FOCAD: variants seen among roughly 807,000 people sequenced by gnomAD.
The protein encoded by FOCAD is focadhesin.
A neutral mutation model predicts 225.6 loss-of-function variants in FOCAD; 198 were observed. That is an observed-to-expected ratio of 0.88 (90% CI 0.78 to 0.99). FOCAD has a LOEUF of 0.99. Ranked by LOEUF, FOCAD falls within the 50% of genes least tolerant of loss-of-function variation. The pLI is 0.00. For missense variants in FOCAD, 2,713 were observed against 2,123.6 expected (o/e 1.28, Z -5.46); for synonymous variants, 897 against 755.0 (o/e 1.19, Z -3.08).
chr9:20,866,917 T>TTTTTTAAC lies in FOCAD; in HGVS notation c.2107-12_2107-11insTTTTTAAC. ...TTTTTTTTTTTTTTTTTTTTTTTTT[T>TTTTTTAAC]ACCCTATCTAGGACCCAATTGTAGC... On this transcript the variant is annotated splice_polypyrimidine_tract_variant and intron_variant, in intron 17 of 43. Transcript: ENST00000338382. 2 of 764,970 alleles carry TTTTTTAAC rather than the reference T, an allele frequency of 2.6e-6. No individual in the cohort carries two copies. The highest frequency in any genetic ancestry group is 4.0e-6 in the Non-Finnish European group (2 of 498,466). 47.4% of individuals were successfully genotyped at this position (764,970 alleles called of 1,614,324 possible).
chr9:20,919,603 C>T (rs534996826), intron 24 of FOCAD, among the ~76,000 whole-genome samples: 5 of 152,132 alleles, frequency 3.3e-5, no homozygotes, highest in African/African-American at 1.2e-4. Context: ...GGAACTGGTA[C>T]CAAAACAGAG....
At chr9:20,917,362 T>A (rs1833959993) in intron 24 of FOCAD, among the ~76,000 whole-genome samples, 2 of 152,188 alleles carry the variant, frequency 1.3e-5, no homozygotes, top group African/African-American at 4.8e-5. Context: ...AAATTGAATT[T>A]TTAAATACTA....
intron 39 of FOCAD, among the ~76,000 whole-genome samples, chr9:20,983,376 A>G (rs1451387474): frequency 6.6e-6 from 1 of 152,044 alleles, no homozygotes; most frequent in Non-Finnish European, 1.5e-5. Flanking sequence ...GATCGAGACT[A>G]TTCTGGCCAA....
rs548718838 is a variant in FOCAD at position 20,790,289 on chromosome 9, G to A, written c.1455+681G>A. Reference sequence around the variant, plus strand: ...CTCCAATTGATAGAATCTCTAGAATGCATTTCCTATAAAGGAAAGGTTTTC... The same window carrying A: ...CTCCAATTGATAGAATCTCTAGAATACATTTCCTATAAAGGAAAGGTTTTC... On this transcript the variant is annotated intron_variant, in intron 11 of 43. Transcript: ENST00000338382. 2.6e-5 allele frequency among the ~76,000 whole-genome samples: 4 copies of A among 152,052 alleles called. No homozygotes were observed. The East Asian group carries it at 5.8e-4, about 22-fold the overall frequency.
At chr9:20,833,815 C>T (rs1356721146) in intron 15 of FOCAD, among the ~76,000 whole-genome samples, 3 of 152,014 alleles carry the variant, frequency 2.0e-5, no homozygotes, top group Admixed American at 6.6e-5. Context: ...GAAATGTGCA[C>T]ACCACTGGAA....
intron 17 of FOCAD, 134 bp downstream of exon 17, chr9:20,866,110 G>T: frequency 1.4e-6 from 1 of 727,906 alleles, no homozygotes; most frequent in Non-Finnish European, 2.2e-6. Flanking sequence ...AAAAAAGTGT[G>T]ATTATTCATA....
chr9:20,801,993 T>A (rs1311483080), intron 11 of FOCAD, among the ~76,000 whole-genome samples: 1 of 152,108 alleles, frequency 6.6e-6, no homozygotes, highest in Admixed American at 6.5e-5. Flanking sequence ...TCACGATAGT[T>A]GTTATAATAG....
At position 20,781,848 on chromosome 9, in the gene FOCAD, A is replaced by G. The variant is rs1046091995; in HGVS notation, c.1116A>G (p.Glu372=). Residue 372 remains glutamate (E), a synonymous_variant, in exon 10 of 44, where the codon GAA becomes GAG. Coordinates refer to ENST00000338382, the MANE Select transcript of FOCAD (RefSeq NM_001375567.1). The part of the protein sequence containing the change: ...TALEDCISVD[E]EGPSRQQLAL... ...TGGAAGACTGTATATCTGTGGATGA[A>G]GAAGGTCCCTCTAGGCAGCAGTTGG... is the stretch of plus-strand genomic sequence containing the variant. The G allele has an allele frequency of 7.4e-6, 12 of 1,614,048 alleles. No individual in the cohort carries two copies. The highest frequency in any genetic ancestry group is 5.0e-5 in the Admixed American group (3 of 60,010).
At chr9:20,730,289 C>T (rs759972381) in intron 4 of FOCAD, among the ~76,000 whole-genome samples, 6 of 151,968 alleles carry the variant, frequency 3.9e-5, no homozygotes, top group Non-Finnish European at 7.4e-5. Context: ...TGTTTTTTTT[C>T]TTCACTTATT....
intron 15 of FOCAD, among the ~76,000 whole-genome samples, chr9:20,857,680 CT>C (rs879261267): frequency 1.3e-5 from 2 of 150,850 alleles, no homozygotes; most frequent in Non-Finnish European, 3.0e-5. Context: ...AATGGAAAAA[CT>C]TTCAGTTTTC....
rs35194944 is a variant in FOCAD at position 20,735,843 on chromosome 9, T to TAA, written c.288-4383_288-4382dup. 1.9e-3 allele frequency among the ~76,000 whole-genome samples: 289 copies of TAA among 148,406 alleles called. 4 individuals carry two copies. In the East Asian group the frequency reaches 0.024, roughly 12 times the overall value. On this transcript the variant is annotated intron_variant, in intron 4 of 43. Transcript: ENST00000338382. ...CTGGCCTCTTCAATTGTTTTATCTT[T>TAA]AAAAAAAAAAATAACAGCTTATTGG...
intron 4 of FOCAD, among the ~76,000 whole-genome samples, chr9:20,727,963 T>G (rs1826346789): frequency 6.6e-6 from 1 of 152,188 alleles, no homozygotes; most frequent in Non-Finnish European, 1.5e-5. Context: ...TTGTAGTCTT[T>G]GAAAAAGAGA....
intron 27 of FOCAD, among the ~76,000 whole-genome samples, chr9:20,931,791 G>C (rs1002203689): frequency 6.6e-6 from 1 of 151,902 alleles, no homozygotes; most frequent in Admixed American, 6.6e-5. Flanking sequence ...CCAGCTACTC[G>C]GGAAGCTGAG....
intron 4 of FOCAD, among the ~76,000 whole-genome samples, chr9:20,727,044 A>T (rs1007203765): frequency 6.6e-6 from 1 of 151,422 alleles, no homozygotes; most frequent in Non-Finnish European, 1.5e-5. Context: ...ATTTATATTG[A>T]TATTATGGCT....
At chr9:20,772,762 G>A (rs1338649549) in intron 8 of FOCAD, among the ~76,000 whole-genome samples, 3 of 151,956 alleles carry the variant, frequency 2.0e-5, no homozygotes, top group African/African-American at 7.3e-5. Flanking sequence ...TGGAAGTTGG[G>A]AGCCCAGGAA....
At chr9:20,819,349 G>A (rs953561860) in intron 11 of FOCAD, among the ~76,000 whole-genome samples, 1 of 151,968 alleles carries the variant, frequency 6.6e-6, no homozygotes, top group African/African-American at 2.4e-5. Flanking sequence ...AAGTAGCTGG[G>A]GCTACAGGTG....
chr9:20,712,593 C>T lies in FOCAD; in HGVS notation c.-32-2729C>T, dbSNP rs565836761. 6.6e-5 allele frequency among the ~76,000 whole-genome samples: 10 copies of T among 151,584 alleles called. No individual in the cohort carries two copies. In the South Asian group the frequency reaches 1.2e-3, roughly 19 times the overall value. On this transcript the variant is annotated intron_variant, in intron 1 of 43. Transcript: ENST00000338382. ...AGGAGAATTGCTTGAACCTGGGAGGCGGAGGTTAGTGAGCTGAGATCGCAC... is the reference window on the plus strand; with the variant it reads ...AGGAGAATTGCTTGAACCTGGGAGGTGGAGGTTAGTGAGCTGAGATCGCAC...
chr9:20,905,847 TGTA>T (rs992827307), intron 21 of FOCAD, among the ~76,000 whole-genome samples: 1 of 152,052 alleles, frequency 6.6e-6, no homozygotes, highest in African/African-American at 2.4e-5. Context: ...CCCTGCTCGT[TGTA>T]GTACTTATTC....
intron 28 of FOCAD, among the ~76,000 whole-genome samples, chr9:20,934,223 A>T (rs1835743879): frequency 6.6e-6 from 1 of 152,238 alleles, no homozygotes; most frequent in Non-Finnish European, 1.5e-5. Flanking sequence ...ATTAAGTCCA[A>T]GCTATTTATC....
Sources: gnomAD v4.1 joint callset for allele counts (sites outside exome capture counted in the v4.1 genomes callset) on GRCh38, gnomAD v4.1.1 for gene constraint, MANE v1.5 for transcripts, NCBI Gene and HGNC (gene_info 2026-07-23, HGNC 2026-07-21) for gene names.